PDE4B: variants seen among roughly 807,000 people sequenced by gnomAD.
PDE4B encodes 3',5'-cyclic-AMP phosphodiesterase 4B.
In PDE4B, 20 loss-of-function variants were observed where a neutral mutation model predicts 82.2. The observed-to-expected ratio is 0.24, with a 90% CI of 0.17 to 0.35. The LOEUF is 0.35. Ranked by LOEUF, PDE4B falls within the 10% of genes least tolerant of loss-of-function variation. The probability of loss-of-function intolerance (pLI) is 1.00; values close to 1 mark genes in which losing one functional copy is unlikely to be tolerated. For missense variants in PDE4B, 655 were observed against 907.2 expected, an observed-to-expected ratio of 0.72 and a Z score of 3.57; for synonymous variants, 320 against 318.9, an observed-to-expected ratio of 1.00 and a Z score of -0.04.
At chr1:65,903,114 C>T (rs1646989835) in intron 1 of PDE4B, among the ~76,000 whole-genome samples, 1 of 152,104 alleles carries the variant, frequency 6.6e-6, no homozygotes, top group Non-Finnish European at 1.5e-5. Context: ...GTATAATAAG[C>T]ACTACTGTAG....
At chr1:65,864,715 C>T (rs1255492887) in intron 1 of PDE4B, among the ~76,000 whole-genome samples, 3 of 152,182 alleles carry the variant, frequency 2.0e-5, no homozygotes, top group Non-Finnish European at 4.4e-5. Flanking sequence ...GTAAAGATTG[C>T]TGCCTGCTCC....
chr1:65,941,969 C>T (rs1324669580), intron 3 of PDE4B, among the ~76,000 whole-genome samples: 2 of 152,074 alleles, frequency 1.3e-5, no homozygotes, highest in African/African-American at 4.8e-5. Flanking sequence ...TCCACTTTGT[C>T]CCTACAATTC....
intron 3 of PDE4B, among the ~76,000 whole-genome samples, chr1:66,054,274 A>G (rs1205770937): frequency 6.6e-6 from 1 of 152,224 alleles, no homozygotes; most frequent in Non-Finnish European, 1.5e-5. Flanking sequence ...AGACAGGAAC[A>G]TGCATTCGGA....
At chr1:65,873,765 T>A (rs1455324157) in intron 1 of PDE4B, among the ~76,000 whole-genome samples, 1 of 152,136 alleles carries the variant, frequency 6.6e-6, no homozygotes, top group East Asian at 1.9e-4. Flanking sequence ...CATATATGTG[T>A]TAGGGCTTGA....
intron 1 of PDE4B, among the ~76,000 whole-genome samples, chr1:65,880,200 A>G (rs1361512796): frequency 6.6e-6 from 1 of 152,200 alleles, no homozygotes; most frequent in East Asian, 1.9e-4. Flanking sequence ...GTCTCCAGTG[A>G]TGCTGGGTAC....
At chr1:66,099,977 C>T (rs1221985550) in intron 3 of PDE4B, among the ~76,000 whole-genome samples, 2 of 152,064 alleles carry the variant, frequency 1.3e-5, no homozygotes, top group African/African-American at 2.4e-5. Context: ...CTTCCCTGGC[C>T]ATGTTTCCTA....
chr1:66,014,261 G>T (rs554970879), intron 3 of PDE4B, among the ~76,000 whole-genome samples: 37 of 151,998 alleles, frequency 2.4e-4, no homozygotes, highest in Admixed American at 5.2e-4. Context: ...CTATACTCTT[G>T]TGTTCTCTGA....
intron 3 of PDE4B, among the ~76,000 whole-genome samples, chr1:66,146,565 A>C (rs1044383804): frequency 6.6e-6 from 1 of 151,906 alleles, no homozygotes; most frequent in African/African-American, 2.4e-5. Context: ...CTGTTGCACA[A>C]CTCCACTGTT....
chr1:65,850,418 A>T lies in PDE4B; in HGVS notation c.-71+57170A>T, dbSNP rs189710620. Among the ~76,000 whole-genome samples, 491 of 152,138 alleles carry T rather than the reference A, an allele frequency of 3.2e-3. 3 individuals are homozygous for T. The highest frequency in any genetic ancestry group is 0.011 in the African/African-American group (455 of 41,526). ...GCCTGCTCTGTACTTTTTGTAGTGA[A>T]TTTGTAGTGCATAGTGTAGAATGGT... On this transcript the variant is annotated intron_variant, in intron 1 of 16. Transcript: ENST00000341517.
At chr1:66,371,252 G>A (rs1557737115) in intron 16 of PDE4B, among the ~76,000 whole-genome samples, 1 of 150,518 alleles carries the variant, frequency 6.6e-6, no homozygotes, top group Non-Finnish European at 1.5e-5. Flanking sequence ...CAGTAGTGTG[G>A]AAAGAGACCT....
chr1:65,865,291 C>T (rs1646498159), intron 1 of PDE4B, among the ~76,000 whole-genome samples: 1 of 152,200 alleles, frequency 6.6e-6, no homozygotes, highest in Non-Finnish European at 1.5e-5. Context: ...GAATTTCAAG[C>T]CAGTGGTTCT....
At chr1:65,890,530 A>G (rs1051103030) in intron 1 of PDE4B, among the ~76,000 whole-genome samples, 1 of 152,072 alleles carries the variant, frequency 6.6e-6, no homozygotes, top group African/African-American at 2.4e-5. Context: ...GGATTGAAGT[A>G]TACATGTTCT....
chr1:65,911,999 CT>C (rs34473319), intron 1 of PDE4B, among the ~76,000 whole-genome samples: 3 of 151,714 alleles, frequency 2.0e-5, no homozygotes, highest in African/African-American at 4.8e-5. Context: ...GAGAAGCAGA[CT>C]TTTTTTTAAA....
chr1:66,257,062 A>G (rs1221954529), intron 4 of PDE4B, among the ~76,000 whole-genome samples: 1 of 152,206 alleles, frequency 6.6e-6, no homozygotes, highest in Non-Finnish European at 1.5e-5. Context: ...TGGAGTGACA[A>G]TGGTATGATT....
intron 7 of PDE4B, among the ~76,000 whole-genome samples, chr1:66,326,125 C>T (rs1167637621): frequency 2.0e-5 from 3 of 152,150 alleles, no homozygotes; most frequent in Non-Finnish European, 4.4e-5. Flanking sequence ...TCTGTTGATA[C>T]CCATTGTTAT....
At chr1:66,213,534 T>C (rs1017323274) in intron 3 of PDE4B, among the ~76,000 whole-genome samples, 6 of 152,184 alleles carry the variant, frequency 3.9e-5, no homozygotes, top group African/African-American at 1.4e-4. Flanking sequence ...GTAGGCTACA[T>C]AGAGTCTCTT....
chr1:66,052,845 T>G (rs1166551390), intron 3 of PDE4B, among the ~76,000 whole-genome samples: 2 of 152,236 alleles, frequency 1.3e-5, no homozygotes, highest in African/African-American at 4.8e-5. Flanking sequence ...CCAGGTTTCC[T>G]CTGAGAATCC....
At chr1:66,275,873 C>T (rs1655844279) in intron 7 of PDE4B, among the ~76,000 whole-genome samples, 2 of 152,184 alleles carry the variant, frequency 1.3e-5, no homozygotes, top group South Asian at 4.1e-4. Context: ...GACTTCCTCC[C>T]AGTCAGAGCT....
intron 2 of PDE4B, among the ~76,000 whole-genome samples, chr1:65,916,307 T>C (rs552515979): frequency 6.6e-6 from 1 of 152,146 alleles, no homozygotes; most frequent in Non-Finnish European, 1.5e-5. Flanking sequence ...GTGGGAAATA[T>C]TTTGTGATAG....
Sources: gnomAD v4.1 joint callset for allele counts (sites outside exome capture counted in the v4.1 genomes callset) on GRCh38, gnomAD v4.1.1 for gene constraint, MANE v1.5 for transcripts, NCBI Gene and HGNC (gene_info 2026-07-23, HGNC 2026-07-21) for gene names.